The following RUNX1 variants were observed in gnomAD, a reference collection of about 807,000 sequenced individuals.
RUNX1 encodes RUNX family transcription factor 1.
A neutral mutation model predicts 42.8 loss-of-function variants in RUNX1; 19 were observed. That is an observed-to-expected ratio of 0.44 (90% CI 0.31 to 0.65). The LOEUF (loss-of-function observed/expected upper bound fraction) is 0.65. Among genes scored for constraint, RUNX1 ranks in the 30% least tolerant of loss-of-function variants. RUNX1 has a pLI of 0.07. For missense variants in RUNX1, 528 were observed against 672.0 expected, an observed-to-expected ratio of 0.79 and a Z score of 2.37; for synonymous variants, 271 against 289.4, an observed-to-expected ratio of 0.94 and a Z score of 0.64.
intron 2 of RUNX1, among the ~76,000 whole-genome samples, chr21:35,023,583 G>T (rs929504985): frequency 6.6e-6 from 1 of 152,164 alleles, no homozygotes; most frequent in Non-Finnish European, 1.5e-5. Context: ...GGGCTAGCAG[G>T]GCAGAGTAGG....
At position 34,993,623 on chromosome 21, in the gene RUNX1, ACACACACACAGACACACACAGG is replaced by A. The variant is rs1339722614; in HGVS notation, c.58+55197_58+55218del. ...CAGGCACACACAGGCACACACACAG[ACACACACACAGACACACACAGG>A]CACACACACACAGACACACAGAGAC... On this transcript the variant is annotated intron_variant, in intron 2 of 8. Transcript: ENST00000675419. Among the ~76,000 whole-genome samples the A allele has an allele frequency of 1.8e-3, 191 of 105,160 alleles. 6 individuals are homozygous for A. The highest frequency in any genetic ancestry group is 7.7e-3 in the African/African-American group (179 of 23,306). 69.0% of individuals were successfully genotyped at this position (105,160 alleles called of 152,430 possible).
rs529451956 is a variant in RUNX1, at chr21:35,036,407, C to T, written c.58+12435G>A. On this transcript the variant is annotated intron_variant, in intron 2 of 8. Coordinates refer to ENST00000675419, the MANE Select transcript of RUNX1 (RefSeq NM_001754.5). ...GCATTTCCATTGATCAGGGCACTCACATGGCTGGCTGTGAGCAGGCTTTGC... is the reference window on the plus strand; with the variant it reads ...GCATTTCCATTGATCAGGGCACTCATATGGCTGGCTGTGAGCAGGCTTTGC... Among the ~76,000 whole-genome samples, 5 of 152,296 alleles carry T rather than the reference C, an allele frequency of 3.3e-5. No individual in the cohort carries two copies. In the East Asian group the frequency reaches 7.7e-4, roughly 24 times the overall value.
intron 2 of RUNX1, among the ~76,000 whole-genome samples, chr21:35,043,197 T>C (rs73368790): frequency 0.019 from 2,899 of 152,254 alleles, 115 homozygotes; most frequent in African/African-American, 0.067. Context: ...TCAAAGGAAA[T>C]GCTCCCTTTT....
Position 34,792,571 on chromosome 21 carries a change from A to G in RUNX1, c.1007T>C (p.Phe336Ser), listed in dbSNP as rs752745196. Residue 336 changes from phenylalanine to serine, a missense_variant, in exon 9 of 9, where the codon TTC becomes TCC. By Grantham distance (155) the Phe-to-Ser change is radical (BLOSUM62 -2). Transcript: ENST00000675419. This position sits in a 1 kb window ranked among gnomAD's most constrained non-coding sequence, Gnocchi z 6.9. ...DLTAFSDPRQ[F>S]PALPSISDPR... Reference sequence around the variant, plus strand: ...GTCGGAGATGGAGGGCAGCGCGGGGAACTGGCGCGGGTCGCTGAACGCTGT... The same window carrying G: ...GTCGGAGATGGAGGGCAGCGCGGGGGACTGGCGCGGGTCGCTGAACGCTGT... 5.0e-6 allele frequency: 8 copies of G among 1,604,982 alleles called. No individual in the cohort carries two copies. The Admixed American group carries it at 1.4e-4, about 27-fold the overall frequency.
intron 7 of RUNX1, among the ~76,000 whole-genome samples, chr21:34,824,138 A>G (rs1319146836): frequency 1.3e-5 from 2 of 152,198 alleles, no homozygotes; most frequent in Non-Finnish European, 2.9e-5. Flanking sequence ...TCAGTCAAGC[A>G]TTTAGTGCCA....
chr21:34,995,301 C>A (rs2058985426), intron 2 of RUNX1, among the ~76,000 whole-genome samples: 1 of 151,940 alleles, frequency 6.6e-6, no homozygotes, highest in African/African-American at 2.4e-5. Context: ...CAATTTCTCA[C>A]TGGTTTTGGT....
At chr21:34,895,315 C>T (rs2058121285) in intron 2 of RUNX1, among the ~76,000 whole-genome samples, 5 of 152,216 alleles carry the variant, frequency 3.3e-5, no homozygotes, top group Admixed American at 3.3e-4. Context: ...CTGCCTTCAG[C>T]ATTCCTTGAA....
At chr21:34,877,026 T>G (rs1236116300) in intron 5 of RUNX1, among the ~76,000 whole-genome samples, 2 of 152,012 alleles carry the variant, frequency 1.3e-5, no homozygotes, top group East Asian at 3.9e-4. Context: ...CTGGCTAATT[T>G]TTTGTATTTT....
chr21:34,958,040 T>C (rs1167295848), intron 2 of RUNX1, among the ~76,000 whole-genome samples: 1 of 152,196 alleles, frequency 6.6e-6, no homozygotes, highest in Non-Finnish European at 1.5e-5. Flanking sequence ...TTCTAGTTCA[T>C]CTTTTTTGAA....
chr21:35,030,679 A>C (rs1250475546), intron 2 of RUNX1, among the ~76,000 whole-genome samples: 2 of 152,190 alleles, frequency 1.3e-5, no homozygotes, highest in Non-Finnish European at 2.9e-5. Flanking sequence ...ATTTTTTTGA[A>C]TATGATCTCA....
chr21:34,882,187 C>G (rs2057914870), intron 4 of RUNX1, among the ~76,000 whole-genome samples: 1 of 152,176 alleles, frequency 6.6e-6, no homozygotes, highest in Non-Finnish European at 1.5e-5. Context: ...CATAGACTCA[C>G]TTGTATGATA....
intron 8 of RUNX1, among the ~76,000 whole-genome samples, chr21:34,796,361 G>T (rs1364415485): frequency 6.6e-6 from 1 of 152,090 alleles, no homozygotes; most frequent in Non-Finnish European, 1.5e-5. Context: ...ATATTCAAAT[G>T]TTGGTTTTCA....
intron 2 of RUNX1, among the ~76,000 whole-genome samples, chr21:34,918,472 T>C (rs1301458338): frequency 6.6e-6 from 1 of 152,228 alleles, no homozygotes; most frequent in Non-Finnish European, 1.5e-5. Flanking sequence ...AACAGATTAT[T>C]TTAGTTTTAA....
chr21:34,907,964 C>T lies in RUNX1; in HGVS notation c.59-15001G>A, dbSNP rs545059938. Among the ~76,000 whole-genome samples, 4 of 152,234 alleles carry T rather than the reference C, an allele frequency of 2.6e-5. No individual in the cohort carries two copies. Among genetic ancestry groups the T allele is most frequent in the South Asian group, 2.1e-4 (1 of 4,832 alleles). On this transcript the variant is annotated intron_variant, in intron 2 of 8. Coordinates refer to ENST00000675419, the MANE Select transcript of RUNX1 (RefSeq NM_001754.5). The surrounding 1 kb of genome is among the most constrained non-coding windows in gnomAD (Gnocchi z 5.3). ...AAAGTGAGTGGCTCTTCTAAGCTCC[C>T]GAAACAGTGGCTGATCTGGGACCCC...
intron 6 of RUNX1, among the ~76,000 whole-genome samples, chr21:34,855,970 A>G (rs770831074): frequency 2.0e-5 from 3 of 152,196 alleles, no homozygotes; most frequent in Non-Finnish European, 4.4e-5. Context: ...ACTCTAAGAT[A>G]TTTCTTAAAA....
chr21:34,808,039 C>A (rs1188022706), intron 7 of RUNX1, among the ~76,000 whole-genome samples: 1 of 152,190 alleles, frequency 6.6e-6, no homozygotes, highest in Non-Finnish European at 1.5e-5. Flanking sequence ...TACAGGTACC[C>A]CCAGGTAGCA....
At chr21:35,032,155 C>T (rs915247122) in intron 2 of RUNX1, among the ~76,000 whole-genome samples, 3 of 152,210 alleles carry the variant, frequency 2.0e-5, no homozygotes, top group African/African-American at 7.2e-5. Flanking sequence ...AAGGAACACA[C>T]ATATGTCATA....
chr21:34,892,973 C>A lies in RUNX1; in HGVS notation c.59-10G>T, dbSNP rs1569090482. 5.1e-6 allele frequency: 8 copies of A among 1,560,574 alleles called. No individual in the cohort carries two copies. Among genetic ancestry groups the A allele is most frequent in the Non-Finnish European group, 7.1e-6 (8 of 1,133,396 alleles). ...ATTCCAAGTATGCATTCTGAAATAA[C>A]AGAAAGTAGGAAAATAAAAGTAATG... On this transcript the variant is annotated splice_polypyrimidine_tract_variant and intron_variant, in intron 2 of 8. Transcript: ENST00000675419.
intron 2 of RUNX1, among the ~76,000 whole-genome samples, chr21:34,903,963 AT>A (rs1449995846): frequency 1.3e-5 from 2 of 152,156 alleles, no homozygotes; most frequent in Non-Finnish European, 2.9e-5. Flanking sequence ...AACTGCTAAG[AT>A]CTGTATTGTA....
Sources: allele counts gnomAD v4.1 joint callset (sites outside exome capture counted in the v4.1 genomes callset), GRCh38; gene constraint gnomAD v4.1.1; non-coding constraint Gnocchi (gnomAD v3.1); transcripts MANE v1.5; gene names NCBI Gene and HGNC (gene_info 2026-07-23, HGNC 2026-07-21).